ZYG11A: variants seen among roughly 807,000 people sequenced by gnomAD.
ZYG11A encodes the protein zyg-11 family member A, cell cycle regulator.
A neutral mutation model predicts 77.2 loss-of-function variants in ZYG11A; 62 were observed. That is an observed-to-expected ratio of 0.80 (90% CI 0.65 to 0.99). The LOEUF is 0.99. Among genes scored for constraint, ZYG11A ranks in the 50% least tolerant of loss-of-function variants. ZYG11A has a pLI of 0.00. For synonymous variants in ZYG11A, 315 were observed against 324.6 expected (o/e 0.97, Z 0.32); for missense variants, 828 against 896.8 (o/e 0.92, Z 0.98).
chr1:52,849,705 C>T (rs1460331352), intron 1 of ZYG11A, among the ~76,000 whole-genome samples: 10 of 142,254 alleles, frequency 7.0e-5, no homozygotes, highest in Admixed American at 5.1e-4. Context: ...TTTTTTGAGA[C>T]GGAGTCTCCC....
intron 11 of ZYG11A, among the ~76,000 whole-genome samples, chr1:52,883,246 A>T (rs1481428905): frequency 7.4e-6 from 1 of 135,918 alleles, no homozygotes; most frequent in Non-Finnish European, 1.6e-5. Flanking sequence ...CTTCCCAAGT[A>T]GCTGGGATTA....
rs541027079 is a variant in ZYG11A at position 52,866,516 on chromosome 1, G to A, written c.1340G>A (p.Cys447Tyr). The change falls in exon 6 of 14, where the codon TGT becomes TAT. Residue 447 changes from cysteine (C) to tyrosine (Y), a missense_variant. Transcript: ENST00000371528. The stretch of plus-strand genomic sequence containing the variant: ...ATTCTCTAAAAGTTACAGAAGAATT[G>A]TCTTCTCTCCTTAACCAATTCCAGG... The part of the protein sequence containing the change: ...FPHYQQLQKN[C>Y]LLSLTNSRIL... 3.3e-5 allele frequency: 50 copies of A among 1,523,122 alleles called. No individual in the cohort carries two copies. Among genetic ancestry groups the A allele is most frequent in the Non-Finnish European group, 4.3e-5 (48 of 1,121,916 alleles). 94.4% of individuals were successfully genotyped at this position (1,523,122 alleles called of 1,614,324 possible).
chr1:52,885,754 C>A, intron 11 of ZYG11A, 79 bp from the exon 12 acceptor site: 1 of 1,089,968 alleles, frequency 9.2e-7, no homozygotes, highest in Non-Finnish European at 1.3e-6. Flanking sequence ...TTTGTTCAAT[C>A]GTTCCCAGAT....
chr1:52,843,509 G>A (rs1284732436), intron 1 of ZYG11A, among the ~76,000 whole-genome samples: 2 of 152,144 alleles, frequency 1.3e-5, no homozygotes, highest in African/African-American at 4.8e-5. Flanking sequence ...TAGTCCGGCT[G>A]GGGGAACTGG....
At chr1:52,870,626 A>G (rs922507755) in intron 8 of ZYG11A, among the ~76,000 whole-genome samples, 3 of 152,222 alleles carry the variant, frequency 2.0e-5, no homozygotes, top group Non-Finnish European at 4.4e-5. Flanking sequence ...TGGGAGGCCG[A>G]GGCTGGCGGA....
intron 4 of ZYG11A, 63 bp downstream of exon 4, chr1:52,860,934 C>A: frequency 7.1e-7 from 1 of 1,417,290 alleles, no homozygotes; most frequent in Non-Finnish European, 9.7e-7. Flanking sequence ...TAATTGTTCA[C>A]GAACCACACT....
rs869093943 is a variant in ZYG11A at position 52,846,310 on chromosome 1, TTATATATATATATATATATATATATA to T, written c.90+3369_90+3394del. Among the ~76,000 whole-genome samples, 236 of 35,790 alleles carry T rather than the reference TTATATATATATATATATATATATATA, an allele frequency of 6.6e-3. 4 individuals are homozygous for T. The highest frequency in any genetic ancestry group is 0.012 in the Admixed American group (45 of 3,632). 23.5% of individuals were successfully genotyped at this position (35,790 alleles called of 152,430 possible). On this transcript the variant is annotated intron_variant, in intron 1 of 13. Transcript: ENST00000371528. ...TTGGAAATCATGGCTTTTTAAATTTTTATATATATATATATATATATATATATATATATATATATATATATATATAT... is the reference window on the plus strand; with the variant it reads ...TTGGAAATCATGGCTTTTTAAATTTTTATATATATATATATATATATATAT...
chr1:52,871,500 CT>C (rs779790381), intron 8 of ZYG11A, among the ~76,000 whole-genome samples: 236 of 142,818 alleles, frequency 1.7e-3, no homozygotes, highest in Middle Eastern at 7.1e-3. Context: ...TAACTTTTAT[CT>C]TTTTTTTTTT....
intron 1 of ZYG11A, among the ~76,000 whole-genome samples, chr1:52,847,967 T>G (rs1645630682): frequency 6.6e-6 from 1 of 152,150 alleles, no homozygotes; most frequent in African/African-American, 2.4e-5. Flanking sequence ...CCTCCCTTGT[T>G]CACGCCATTC....
intron 10 of ZYG11A, among the ~76,000 whole-genome samples, chr1:52,878,630 C>T (rs889630579): frequency 9.9e-5 from 15 of 152,026 alleles, no homozygotes; most frequent in Admixed American, 5.2e-4. Context: ...CCAGAAATGC[C>T]GTTTATCCTA....
At chr1:52,867,888 G>T in intron 8 of ZYG11A, 111 bp downstream of exon 8, 1 of 800,572 alleles carries the variant, frequency 1.2e-6, no homozygotes, top group Non-Finnish European at 1.9e-6. Flanking sequence ...TGAGAAATCT[G>T]TAAGACTTTC....
intron 11 of ZYG11A, among the ~76,000 whole-genome samples, chr1:52,882,453 T>A (rs1468349981): frequency 6.6e-6 from 1 of 152,210 alleles, no homozygotes; most frequent in African/African-American, 2.4e-5. Context: ...ACTGCTGTCA[T>A]CCTCGGACTC....
rs1463548039 is a variant in ZYG11A at position 52,877,977 on chromosome 1, G to T, written c.1749+8G>T. On this transcript the variant is annotated splice_region_variant and intron_variant, in intron 10 of 13. Coordinates refer to ENST00000371528, the MANE Select transcript of ZYG11A (RefSeq NM_001004339.3). The stretch of plus-strand genomic sequence containing the variant: ...AAAGTACTTGGTCTTTTGGTAAGGT[G>T]AATTGTTTTGAATTAATTTTAATTG... 1 of 1,550,680 alleles carries T rather than the reference G, an allele frequency of 6.4e-7. No homozygotes were observed. Among genetic ancestry groups the T allele is most frequent in the Admixed American group, 2.0e-5 (1 of 50,946 alleles).
chr1:52,879,898 G>C (rs1646334396), intron 10 of ZYG11A, among the ~76,000 whole-genome samples: 1 of 151,694 alleles, frequency 6.6e-6, no homozygotes, highest in South Asian at 2.1e-4. Context: ...GAGTAGCTGG[G>C]ATTGCAAGCA....
At chr1:52,848,462 G>C (rs1195978235) in intron 1 of ZYG11A, among the ~76,000 whole-genome samples, 1 of 152,054 alleles carries the variant, frequency 6.6e-6, no homozygotes. Context: ...TCCGAAATCA[G>C]TGGGTTTATA....
chr1:52,872,572 T>A (rs1483741926), intron 8 of ZYG11A, among the ~76,000 whole-genome samples: 43 of 150,642 alleles, frequency 2.9e-4, no homozygotes, highest in Admixed American at 2.8e-3. Flanking sequence ...ATTAATTATA[T>A]TATTTATTAT....
intron 1 of ZYG11A, among the ~76,000 whole-genome samples, chr1:52,854,147 T>C (rs1645764823): frequency 6.6e-6 from 1 of 152,216 alleles, no homozygotes; most frequent in Non-Finnish European, 1.5e-5. Context: ...TGAGAATGTC[T>C]GCATAGGTTA....
chr1:52,852,034 C>T (rs1394492453), intron 1 of ZYG11A, among the ~76,000 whole-genome samples: 2 of 151,878 alleles, frequency 1.3e-5, no homozygotes, highest in Non-Finnish European at 2.9e-5. Context: ...CCTGCCTCTG[C>T]CTCCCGAGTA....
chr1:52,891,324 T>C (rs1463616602), intron 13 of ZYG11A, among the ~76,000 whole-genome samples: 1 of 150,150 alleles, frequency 6.7e-6, no homozygotes, highest in Non-Finnish European at 1.5e-5. Flanking sequence ...AGTAATTATT[T>C]TGTGGTCTTT....
Sources: gnomAD v4.1 joint callset for allele counts (sites outside exome capture counted in the v4.1 genomes callset) on GRCh38, gnomAD v4.1.1 for gene constraint, MANE v1.5 for transcripts, NCBI Gene and HGNC (gene_info 2026-07-23, HGNC 2026-07-21) for gene names.